AGBL4: variants seen among roughly 807,000 people sequenced by gnomAD.
AGBL4 encodes cytosolic carboxypeptidase 6.
Under a neutral mutation model 66.4 loss-of-function variants are expected in AGBL4, and 58 were observed. The ratio of observed to expected loss-of-function variants is 0.87; its 90% CI spans 0.71 to 1.09. The LOEUF (loss-of-function observed/expected upper bound fraction) is 1.09, where lower values mean the gene tolerates loss of function less well. Ranked by LOEUF, AGBL4 falls within the 50% of genes least tolerant of loss-of-function variation. The pLI is 0.00. For synonymous variants in AGBL4, 234 were observed against 222.9 expected (o/e 1.05, Z -0.44); for missense variants, 579 against 631.0 (o/e 0.92, Z 0.88).
At chr1:49,905,259 G>C (rs542310078) in intron 1 of AGBL4, among the ~76,000 whole-genome samples, 3 of 152,152 alleles carry the variant, frequency 2.0e-5, no homozygotes, top group Middle Eastern at 3.4e-3. Flanking sequence ...AAGGTTGTTT[G>C]GGGCCTTGAC....
At chr1:49,071,570 A>C (rs186989429) in intron 4 of AGBL4, among the ~76,000 whole-genome samples, 1 of 151,964 alleles carries the variant, frequency 6.6e-6, no homozygotes, top group Non-Finnish European at 1.5e-5. Context: ...GAGTTTCTTA[A>C]TCCTGAGTTC....
At chr1:49,655,575 G>C (rs974439905) in intron 3 of AGBL4, among the ~76,000 whole-genome samples, 3 of 152,154 alleles carry the variant, frequency 2.0e-5, no homozygotes, top group African/African-American at 7.2e-5. Context: ...GAAATTTATA[G>C]CACTAAATGC....
chr1:48,959,519 A>C (rs932977621), intron 5 of AGBL4, among the ~76,000 whole-genome samples: 1 of 152,214 alleles, frequency 6.6e-6, no homozygotes, highest in African/African-American at 2.4e-5. Context: ...CACAAAGGAC[A>C]CAAAGGACCA....
At chr1:49,798,025 C>T (rs901569407) in intron 2 of AGBL4, among the ~76,000 whole-genome samples, 3 of 152,046 alleles carry the variant, frequency 2.0e-5, no homozygotes, top group Admixed American at 6.6e-5. Flanking sequence ...GCTGGGATTA[C>T]GGGCATGAGC....
At chr1:49,371,817 CTGTG>C (rs55882947) in intron 3 of AGBL4, among the ~76,000 whole-genome samples, 22,259 of 139,734 alleles carry the variant, frequency 0.16, 1,802 homozygotes, top group East Asian at 0.24. Flanking sequence ...TTTTCAAACT[CTGTG>C]TGTGTGTGTG....
intron 1 of AGBL4, among the ~76,000 whole-genome samples, chr1:49,861,154 G>A (rs1434316902): frequency 6.6e-6 from 1 of 152,034 alleles, no homozygotes; most frequent in Non-Finnish European, 1.5e-5. Flanking sequence ...TTCCACCAAG[G>A]GCCAAAGTGC....
intron 3 of AGBL4, among the ~76,000 whole-genome samples, chr1:49,555,969 A>T (rs962815966): frequency 4.6e-5 from 7 of 152,188 alleles, no homozygotes; most frequent in Non-Finnish European, 7.4e-5. Context: ...AAGACAGTGT[A>T]GCGATTCCTC....
At chr1:48,845,664 C>T (rs543943898) in intron 6 of AGBL4, among the ~76,000 whole-genome samples, 4 of 152,108 alleles carry the variant, frequency 2.6e-5, no homozygotes, top group African/African-American at 9.7e-5. Flanking sequence ...CTGTAACAAC[C>T]TTTTGAGATT....
At chr1:49,978,091 T>A (rs1327677987) in intron 1 of AGBL4, among the ~76,000 whole-genome samples, 1 of 152,206 alleles carries the variant, frequency 6.6e-6, no homozygotes, top group East Asian at 1.9e-4. Flanking sequence ...GAATTTTAGG[T>A]TGAAAATAAT....
intron 5 of AGBL4, among the ~76,000 whole-genome samples, chr1:48,925,760 C>T (rs1654500982): frequency 1.3e-5 from 2 of 152,148 alleles, no homozygotes; most frequent in African/African-American, 4.8e-5. Flanking sequence ...GGAGGGCCAA[C>T]TATATATATG....
intron 3 of AGBL4, among the ~76,000 whole-genome samples, chr1:49,696,185 G>A (rs1558169841): frequency 6.6e-6 from 1 of 152,100 alleles, no homozygotes; most frequent in African/African-American, 2.4e-5. Context: ...CTCACTATGT[G>A]TACAAAGCTT....
chr1:49,060,858 G>A (rs1644390760), intron 4 of AGBL4, among the ~76,000 whole-genome samples: 1 of 152,220 alleles, frequency 6.6e-6, no homozygotes, highest in South Asian at 2.1e-4. Flanking sequence ...AGACTGAGGA[G>A]TAGATCATGA....
At chr1:48,852,885 C>T (rs1007868428) in intron 6 of AGBL4, among the ~76,000 whole-genome samples, 2 of 152,132 alleles carry the variant, frequency 1.3e-5, no homozygotes, top group African/African-American at 4.8e-5. Flanking sequence ...AGAAGTAATA[C>T]TGATAATCAT....
intron 6 of AGBL4, among the ~76,000 whole-genome samples, chr1:48,722,837 G>A (rs1647173828): frequency 6.6e-6 from 1 of 152,158 alleles, no homozygotes; most frequent in South Asian, 2.1e-4. Context: ...CTCATCTACA[G>A]GGGCAGATCC....
intron 2 of AGBL4, among the ~76,000 whole-genome samples, chr1:49,828,064 C>A (rs552676657): frequency 1.3e-5 from 2 of 151,896 alleles, no homozygotes; most frequent in Admixed American, 1.3e-4. Flanking sequence ...GAGTTCATAG[C>A]TTTCATTAGA....
intron 6 of AGBL4, chr1:48,728,120 A>T (rs1225387130): frequency 1.5e-6 from 2 of 1,337,070 alleles, no homozygotes; most frequent in Non-Finnish European, 2.1e-6. Flanking sequence ...GTAAAAGAAA[A>T]TGTACCTCCC....
rs539485254 is a variant in AGBL4 at position 49,475,170 on chromosome 1, CT to C, written c.282+222142del. Among the ~76,000 whole-genome samples, 71 of 152,072 alleles carry C rather than the reference CT, an allele frequency of 4.7e-4. 2 individuals are homozygous for C. The highest frequency in any genetic ancestry group is 1.2e-3 in the African/African-American group (49 of 41,530). ...CAAGCATGTTGGATGTTATCGCATG[CT>C]TTTCCTGCATCTATTGAGATAATCT... On this transcript the variant is annotated intron_variant, in intron 3 of 13. Coordinates refer to ENST00000371839, the MANE Select transcript of AGBL4 (RefSeq NM_032785.4).
At chr1:49,587,730 T>A (rs1267166758) in intron 3 of AGBL4, among the ~76,000 whole-genome samples, 1 of 152,108 alleles carries the variant, frequency 6.6e-6, no homozygotes, top group African/African-American at 2.4e-5. Context: ...AACATTACAT[T>A]TTAAAATATT....
rs71307608 is a variant in AGBL4 at position 49,371,228 on chromosome 1, TATAG to T, written c.283-125368_283-125365del. 9.2e-3 allele frequency among the ~76,000 whole-genome samples: 1,360 copies of T among 147,034 alleles called. 14 individuals carry two copies. The highest frequency in any genetic ancestry group is 0.025 in the African/African-American group (974 of 39,130). The stretch of plus-strand genomic sequence containing the variant: ...TAGATAGAAGATAGATAGATAGATA[TATAG>T]ATAGATAGATAGATAGATACATACA... On this transcript the variant is annotated intron_variant, in intron 3 of 13. Coordinates refer to ENST00000371839, the MANE Select transcript of AGBL4 (RefSeq NM_032785.4).
Sources: allele counts gnomAD v4.1 joint callset (sites outside exome capture counted in the v4.1 genomes callset), GRCh38; gene constraint gnomAD v4.1.1; transcripts MANE v1.5; gene names NCBI Gene and HGNC (gene_info 2026-07-23, HGNC 2026-07-21).